Variants in CACNG4 observed in about 807,000 individuals in gnomAD.
CACNG4 encodes the protein voltage-dependent calcium channel gamma-4 subunit.
Under a neutral mutation model 22.9 loss-of-function variants are expected in CACNG4, and 8 were observed. The ratio of observed to expected loss-of-function variants is 0.35; its 90% confidence interval spans 0.21 to 0.63. The LOEUF (loss-of-function observed/expected upper bound fraction) is 0.63. CACNG4 is among the 30% of genes least tolerant of loss of function. The probability of loss-of-function intolerance (pLI) is 0.72; values close to 1 mark genes in which losing one functional copy is unlikely to be tolerated. For missense variants in CACNG4, 357 were observed against 455.4 expected, an observed-to-expected ratio of 0.78 and a Z score of 1.97; for synonymous variants, 188 against 191.9, an observed-to-expected ratio of 0.98 and a Z score of 0.17.
At chr17:66,971,387 C>T (rs1035443812) in intron 1 of CACNG4, among the ~76,000 whole-genome samples, 3 of 151,936 alleles carry the variant, frequency 2.0e-5, no homozygotes, top group Non-Finnish European at 4.4e-5. Context: ...ACAAGTCACC[C>T]GCCTGCTGGG....
chr17:67,019,302 C>A (rs2035518448), intron 2 of CACNG4, among the ~76,000 whole-genome samples: 1 of 152,102 alleles, frequency 6.6e-6, no homozygotes, highest in African/African-American at 2.4e-5. Flanking sequence ...TGCGACCAGG[C>A]CCAGAACATG....
intron 1 of CACNG4, among the ~76,000 whole-genome samples, chr17:67,009,731 G>A (rs758196081): frequency 6.6e-5 from 10 of 152,088 alleles, no homozygotes; most frequent in East Asian, 1.9e-4. Context: ...GTTTATAGAC[G>A]GTGCCTTCTT....
chr17:66,998,659 C>T (rs1856534618), intron 1 of CACNG4, among the ~76,000 whole-genome samples: 1 of 152,206 alleles, frequency 6.6e-6, no homozygotes, highest in Admixed American at 6.5e-5. Context: ...CTTGTCAGTG[C>T]CTGGCTGAGC....
In CACNG4 at chr17:66,970,088, C is replaced by T. The variant is rs116235324; in HGVS notation, c.220+4957C>T. 5.7e-3 allele frequency among the ~76,000 whole-genome samples: 861 copies of T among 152,296 alleles called. 8 individuals are homozygous for T. Among genetic ancestry groups the T allele is most frequent in the African/African-American group, 0.02 (820 of 41,556 alleles). ...AAGACCTTCATGCAGGACTCACATT[C>T]GTGCATGTAATTGCCAGCAACACCT... On this transcript the variant is annotated intron_variant, in intron 1 of 3. Coordinates refer to ENST00000262138, the MANE Select transcript of CACNG4 (RefSeq NM_014405.4).
chr17:67,022,619 G>A (rs1366789041), intron 2 of CACNG4, among the ~76,000 whole-genome samples: 2 of 152,260 alleles, frequency 1.3e-5, no homozygotes, highest in Non-Finnish European at 2.9e-5. Flanking sequence ...GACAAACCCT[G>A]CCTTCAGAGG....
Position 67,032,118 on chromosome 17 carries a change from T to C in CACNG4, c.*1114T>C, listed in dbSNP as rs928907830. 6 of 396,352 alleles carry C rather than the reference T, an allele frequency of 1.5e-5. No homozygotes were observed. The highest frequency in any genetic ancestry group is 1.3e-4 in the African/African-American group (6 of 47,980). 24.6% of individuals were successfully genotyped at this position (396,352 alleles called of 1,614,324 possible). ...CAACTGGCCCCACAACTCCTGTCAT[T>C]GTAAGTTATTCTGCCACCACCTAAC... On this transcript the variant is annotated 3_prime_UTR_variant, in exon 4 of 4. Coordinates refer to ENST00000262138, the MANE Select transcript of CACNG4 (RefSeq NM_014405.4).
At chr17:67,023,088 G>A (rs991796856) in intron 2 of CACNG4, among the ~76,000 whole-genome samples, 2 of 151,992 alleles carry the variant, frequency 1.3e-5, no homozygotes, top group African/African-American at 4.8e-5. Flanking sequence ...GAGGTGGTTG[G>A]CACTCCTTGG....
chr17:67,001,916 T>G (rs2035410451), intron 1 of CACNG4, among the ~76,000 whole-genome samples: 1 of 152,212 alleles, frequency 6.6e-6, no homozygotes, highest in African/African-American at 2.4e-5. Context: ...TGTGACTGAT[T>G]AGCCCAGGAG....
At chr17:67,023,262 G>T (rs2035542590) in intron 2 of CACNG4, among the ~76,000 whole-genome samples, 1 of 141,844 alleles carries the variant, frequency 7.1e-6, no homozygotes, top group South Asian at 2.3e-4. Flanking sequence ...ACATCTGCAA[G>T]ACCTCTTCTT....
chr17:66,992,569 G>A (rs948604539), intron 1 of CACNG4, among the ~76,000 whole-genome samples: 4 of 152,252 alleles, frequency 2.6e-5, no homozygotes, highest in Admixed American at 6.5e-5. Flanking sequence ...TGGCTGGATA[G>A]AGGGAGGGTC....
At chr17:67,025,519 G>T (rs1349062148) in intron 3 of CACNG4, among the ~76,000 whole-genome samples, 1 of 152,254 alleles carries the variant, frequency 6.6e-6, no homozygotes, top group African/African-American at 2.4e-5. Context: ...GGAAGCAGAA[G>T]TCCAGGGTGC....
chr17:67,017,805 C>T (rs1307670604), intron 1 of CACNG4, among the ~76,000 whole-genome samples: 2 of 152,036 alleles, frequency 1.3e-5, no homozygotes, highest in Non-Finnish European at 2.9e-5. Flanking sequence ...CATGAGCCAC[C>T]GTGCCCAGCC....
intron 2 of CACNG4, among the ~76,000 whole-genome samples, chr17:67,019,412 C>G (rs921594716): frequency 6.6e-6 from 1 of 152,128 alleles, no homozygotes; most frequent in African/African-American, 2.4e-5. Flanking sequence ...CACACTGAAC[C>G]AAGCAAATGA....
At chr17:67,005,762 C>T (rs942020586) in intron 1 of CACNG4, among the ~76,000 whole-genome samples, 4 of 152,204 alleles carry the variant, frequency 2.6e-5, no homozygotes, top group African/African-American at 7.2e-5. Context: ...AACACCTTTT[C>T]GGACCTTGTA....
rs757449342 is a variant in CACNG4, at chr17:67,018,322, G to A, written c.304+50G>A. On this transcript the variant is annotated intron_variant, in intron 2 of 3. Transcript: ENST00000262138. ...TCTTTCTGTGGGGAGGCGGAAGGGTGGGGGAAGGCGGCCGGAGGAAAGAGA... is the reference window on the plus strand; with the variant it reads ...TCTTTCTGTGGGGAGGCGGAAGGGTAGGGGAAGGCGGCCGGAGGAAAGAGA... 3 of 1,416,414 alleles carry A rather than the reference G, an allele frequency of 2.1e-6. No individual in the cohort carries two copies. In the South Asian group the frequency reaches 3.4e-5, roughly 16 times the overall value. 87.7% of individuals were successfully genotyped at this position (1,416,414 alleles called of 1,614,324 possible). A position where few individuals can be genotyped will look rare whatever the true frequency, so the allele number is the denominator to read the frequency against.
intron 1 of CACNG4, among the ~76,000 whole-genome samples, chr17:66,995,412 G>C (rs2035367891): frequency 6.6e-6 from 1 of 152,198 alleles, no homozygotes; most frequent in South Asian, 2.1e-4. Context: ...CTAAGCAAAA[G>C]GGAGGCACTG....
intron 1 of CACNG4, among the ~76,000 whole-genome samples, chr17:66,974,586 G>GC (rs929165618): frequency 1.4e-4 from 21 of 152,134 alleles, no homozygotes; most frequent in Admixed American, 1.3e-4. Flanking sequence ...ATCTATGGAT[G>GC]CCCCCCGCGC....
At chr17:66,980,046 A>G (rs907467375) in intron 1 of CACNG4, among the ~76,000 whole-genome samples, 1 of 152,054 alleles carries the variant, frequency 6.6e-6, no homozygotes, top group Non-Finnish European at 1.5e-5. Flanking sequence ...GAGCCACTGC[A>G]CCCAGCCTGT....
At chr17:66,998,414 G>A (rs2035387893) in intron 1 of CACNG4, among the ~76,000 whole-genome samples, 1 of 151,952 alleles carries the variant, frequency 6.6e-6, no homozygotes, top group African/African-American at 2.4e-5. Context: ...GTAGAGATGG[G>A]GTCTCACTCA....
Sources: gnomAD v4.1 joint callset for allele counts (sites outside exome capture counted in the v4.1 genomes callset) on GRCh38, gnomAD v4.1.1 for gene constraint, MANE v1.5 for transcripts, NCBI Gene and HGNC (gene_info 2026-07-23, HGNC 2026-07-21) for gene names.